The following BLTP3B variants were observed in gnomAD, a reference collection of about 807,000 sequenced individuals.
BLTP3B encodes UHRF1 (ICBP90) binding protein 1-like.
the BLTP3B span, among the ~76,000 whole-genome samples, chr12:100,090,684 CAA>C: frequency 6.6e-6 from 1 of 151,970 alleles, no homozygotes; most frequent in African/African-American, 2.4e-5. Context: ...AGTAAAGAAA[CAA>C]AGTGAAATAT....
At chr12:100,040,324 A>G in the BLTP3B span, among the ~76,000 whole-genome samples, 4 of 152,270 alleles carry the variant, frequency 2.6e-5, no homozygotes, top group African/African-American at 4.8e-5. Flanking sequence ...TGAGACCAGG[A>G]GTTGGAGACC....
chr12:100,103,645 A>T, the BLTP3B span, among the ~76,000 whole-genome samples: 1 of 152,196 alleles, frequency 6.6e-6, no homozygotes, highest in Non-Finnish European at 1.5e-5. Flanking sequence ...CCCATAGTAC[A>T]TCAACAAAGA....
At chr12:100,100,609 G>T in the BLTP3B span, among the ~76,000 whole-genome samples, 4 of 152,136 alleles carry the variant, frequency 2.6e-5, no homozygotes, top group African/African-American at 9.6e-5. Context: ...CTACTTGGGA[G>T]GCTGAGGTGG....
At chr12:100,117,837 C>T in the BLTP3B span, among the ~76,000 whole-genome samples, 2 of 152,086 alleles carry the variant, frequency 1.3e-5, no homozygotes, top group Admixed American at 1.3e-4. Flanking sequence ...ATTTCAAGCC[C>T]ATTCCCAGAG....
chr12:100,065,548 T>C, the BLTP3B span, among the ~76,000 whole-genome samples: 1 of 152,158 alleles, frequency 6.6e-6, no homozygotes, highest in African/African-American at 2.4e-5. Flanking sequence ...TCTGGAAGTG[T>C]CTGTCTTATG....
At chr12:100,065,172 T>TTTAA in the BLTP3B span, among the ~76,000 whole-genome samples, 10 of 152,276 alleles carry the variant, frequency 6.6e-5, no homozygotes, top group African/African-American at 2.4e-4. Context: ...CCTGTCTTAC[T>TTTAA]TTAATCTCTT....
chr12:100,061,315 T>C, the BLTP3B span, among the ~76,000 whole-genome samples: 2 of 152,126 alleles, frequency 1.3e-5, no homozygotes, highest in Non-Finnish European at 2.9e-5. Flanking sequence ...AGAACCCCGA[T>C]AGCAGATGTG....
the BLTP3B span, chr12:100,104,011 T>A: frequency 3.1e-6 from 4 of 1,291,660 alleles, no homozygotes; most frequent in African/African-American, 3.0e-5. Flanking sequence ...ATGTAAACAG[T>A]AATCAATACA....
At chr12:100,085,927 T>A in the BLTP3B span, among the ~76,000 whole-genome samples, 2 of 152,114 alleles carry the variant, frequency 1.3e-5, no homozygotes, top group East Asian at 1.9e-4. Flanking sequence ...ATAAATCATT[T>A]AAAAATTTAA....
chr12:100,075,015 C>CA, the BLTP3B span, among the ~76,000 whole-genome samples: 10 of 140,190 alleles, frequency 7.1e-5, no homozygotes, highest in South Asian at 2.2e-3. Flanking sequence ...CTACACCTTC[C>CA]TTTTTTTTTT....
chr12:100,049,385 G>A, the BLTP3B span, among the ~76,000 whole-genome samples: 1 of 152,184 alleles, frequency 6.6e-6, no homozygotes, highest in South Asian at 2.1e-4. Context: ...ATAATGAGAA[G>A]GTATTTTATT....
At chr12:100,109,159 CCT>C in the BLTP3B span, among the ~76,000 whole-genome samples, 3,870 of 64,604 alleles carry the variant, frequency 0.06, 137 homozygotes, top group Non-Finnish European at 0.073. Flanking sequence ...TGGCAGTTTT[CCT>C]CTCTCTCTCT....
the BLTP3B span, among the ~76,000 whole-genome samples, chr12:100,086,900 C>T: frequency 6.6e-6 from 1 of 152,170 alleles, no homozygotes; most frequent in African/African-American, 2.4e-5. Context: ...GTGGCTCACG[C>T]CTGTCATCCC....
the BLTP3B span, among the ~76,000 whole-genome samples, chr12:100,060,797 A>G: frequency 1.3e-5 from 2 of 152,228 alleles, no homozygotes; most frequent in African/African-American, 4.8e-5. Context: ...TTTTATTCTA[A>G]AAATTCAGAC....
At chr12:100,138,046 C>T in the BLTP3B span, among the ~76,000 whole-genome samples, 1 of 152,120 alleles carries the variant, frequency 6.6e-6, no homozygotes, top group South Asian at 2.1e-4. Context: ...GCTGTAGCTC[C>T]CAACCAGGAG....
the BLTP3B span, chr12:100,059,899 G>C: frequency 6.2e-7 from 1 of 1,612,356 alleles, no homozygotes. Flanking sequence ...GTCAGATTTT[G>C]AATTGTCATT....
At chr12:100,040,357 CTG>C in the BLTP3B span, among the ~76,000 whole-genome samples, 1 of 151,944 alleles carries the variant, frequency 6.6e-6, no homozygotes, top group East Asian at 1.9e-4. Flanking sequence ...GTAGCAAGAC[CTG>C]TCTCTATAAA....
the BLTP3B span, chr12:100,093,003 C>T: frequency 1.0e-6 from 1 of 978,552 alleles, no homozygotes; most frequent in Non-Finnish European, 1.2e-6. Flanking sequence ...CTTCCTTATC[C>T]TCAACTTACT....
At chr12:100,086,376 G>T in the BLTP3B span, 43 of 699,634 alleles carry the variant, frequency 6.1e-5, 5 homozygotes, top group Non-Finnish European at 8.7e-5. Context: ...AAAAAAAGGG[G>T]GGGGGGGAAA....
Sources: allele counts gnomAD v4.1 joint callset (sites outside exome capture counted in the v4.1 genomes callset), GRCh38; gene constraint gnomAD v4.1.1; transcripts MANE v1.5; gene names NCBI Gene and HGNC (gene_info 2026-07-23, HGNC 2026-07-21).